Variants in STK3 observed in about 807,000 individuals in gnomAD.
STK3 encodes serine/threonine kinase 3.
Under a neutral mutation model 58.0 loss-of-function variants are expected in STK3, and 41 were observed. The ratio of observed to expected loss-of-function variants is 0.71; its 90% CI spans 0.55 to 0.92. The LOEUF is 0.92. STK3 is among the 40% of genes least tolerant of loss of function. The probability of loss-of-function intolerance (pLI) is 0.00; values close to 1 mark genes in which losing one functional copy is unlikely to be tolerated. For missense variants in STK3, 479 were observed against 602.7 expected, an observed-to-expected ratio of 0.79 and a Z score of 2.15; for synonymous variants, 170 against 191.0, an observed-to-expected ratio of 0.89 and a Z score of 0.91.
chr8:98,845,831 C>G (rs920721743), intron 3 of STK3, among the ~76,000 whole-genome samples: 1 of 152,180 alleles, frequency 6.6e-6, no homozygotes, highest in African/African-American at 2.4e-5. Flanking sequence ...TAGCAGGAGG[C>G]TGGACTTTCA....
chr8:98,549,014 T>C (rs565567720), intron 8 of STK3, among the ~76,000 whole-genome samples: 1 of 152,296 alleles, frequency 6.6e-6, no homozygotes, highest in East Asian at 1.9e-4. Context: ...TATCTGTTGA[T>C]GGCCATTTGG....
At chr8:98,633,825 A>G in intron 6 of STK3, 1 of 457,924 alleles carries the variant, frequency 2.2e-6, no homozygotes, top group South Asian at 2.8e-5. Flanking sequence ...CCCTAACTTC[A>G]AATTTGAAGA....
At chr8:98,727,721 T>G (rs1043435356) in intron 4 of STK3, among the ~76,000 whole-genome samples, 3 of 152,208 alleles carry the variant, frequency 2.0e-5, no homozygotes, top group Non-Finnish European at 4.4e-5. Context: ...AAACATATTT[T>G]TTAAAAGGAA....
chr8:98,410,875 C>A (rs1818045903), intron 3 of STK3, among the ~76,000 whole-genome samples: 1 of 152,062 alleles, frequency 6.6e-6, no homozygotes, highest in Non-Finnish European at 1.5e-5. Flanking sequence ...TAATAATTTA[C>A]CCTCAGATCA....
chr8:98,618,728 A>T, intron 6 of STK3, among the ~76,000 whole-genome samples: 1 of 140,360 alleles, frequency 7.1e-6, no homozygotes, highest in African/African-American at 2.8e-5. Context: ...CTTCAAAGAG[A>T]ATAAAATACC....
chr8:98,390,153 G>T (rs1024753669), upstream of STK3, among the ~76,000 whole-genome samples: 16 of 152,060 alleles, frequency 1.1e-4, no homozygotes, highest in Admixed American at 4.6e-4. Context: ...TTTTCATCTG[G>T]TATAATTTTT....
intron 10 of STK3, among the ~76,000 whole-genome samples, chr8:98,461,249 C>CTT (rs1047958400): frequency 6.1e-5 from 9 of 147,926 alleles, no homozygotes; most frequent in African/African-American, 2.2e-4. Flanking sequence ...CATTCTTTGT[C>CTT]TTTTTTTTTT....
intron 10 of STK3, among the ~76,000 whole-genome samples, chr8:98,487,100 G>A (rs1203876328): frequency 6.6e-6 from 1 of 152,078 alleles, no homozygotes; most frequent in African/African-American, 2.4e-5. Flanking sequence ...AATAGTTACT[G>A]TGCATAAGGC....
intron 6 of STK3, among the ~76,000 whole-genome samples, chr8:98,631,076 G>T (rs779256152): frequency 9.2e-5 from 14 of 152,050 alleles, no homozygotes; most frequent in Non-Finnish European, 1.8e-4. Context: ...CCAGAATCTG[G>T]CCACATCTCA....
chr8:98,908,697 G>T (rs1046680511), intron 1 of STK3, among the ~76,000 whole-genome samples: 7 of 151,836 alleles, frequency 4.6e-5, no homozygotes, highest in Non-Finnish European at 4.4e-5. Flanking sequence ...ACAAAAATTA[G>T]CCAGGCGTGG....
chr8:98,650,557 G>A (rs989561951), intron 6 of STK3, among the ~76,000 whole-genome samples: 20 of 152,358 alleles, frequency 1.3e-4, no homozygotes, highest in East Asian at 3.9e-4. Flanking sequence ...CTCGGGAAGC[G>A]CAAGGGGTCA....
At chr8:98,657,384 G>A (rs1026701010) in intron 6 of STK3, among the ~76,000 whole-genome samples, 41 of 152,054 alleles carry the variant, frequency 2.7e-4, no homozygotes, top group Non-Finnish European at 1.8e-4. Flanking sequence ...GTAGAACCAA[G>A]CTGTCCAGCT....
chr8:98,467,824 A>G (rs1427303737), intron 10 of STK3, among the ~76,000 whole-genome samples: 1 of 152,142 alleles, frequency 6.6e-6, no homozygotes, highest in East Asian at 1.9e-4. Context: ...CTTTGAGGAA[A>G]CATGCATGGA....
At chr8:98,754,102 A>T (rs1746174384) in intron 3 of STK3, among the ~76,000 whole-genome samples, 1 of 152,182 alleles carries the variant, frequency 6.6e-6, no homozygotes. Flanking sequence ...TCCATCTCAT[A>T]CCTTAAATTT....
chr8:98,883,453 C>G, downstream of STK3: 1 of 541,632 alleles, frequency 1.8e-6, no homozygotes, highest in Non-Finnish European at 3.3e-6. Context: ...CTAAATCACT[C>G]TCTTGGGCTA....
At chr8:98,573,222 T>C (rs1813106357) in intron 8 of STK3, among the ~76,000 whole-genome samples, 1 of 152,178 alleles carries the variant, frequency 6.6e-6, no homozygotes. Flanking sequence ...GCAGAAAATT[T>C]AGAAACTGTT....
intron 4 of STK3, among the ~76,000 whole-genome samples, chr8:98,739,235 C>G (rs528620312): frequency 6.0e-4 from 92 of 152,340 alleles, no homozygotes; most frequent in African/African-American, 2.0e-3. Context: ...GCTTTGAAGA[C>G]AGCAGTGGTT....
chr8:98,540,481 A>G (rs574766289), intron 9 of STK3, among the ~76,000 whole-genome samples: 2 of 152,270 alleles, frequency 1.3e-5, no homozygotes, highest in East Asian at 1.9e-4. Context: ...GTTCTATCCT[A>G]TAACATATTT....
At chr8:98,709,970 C>T (rs1168611850) in intron 4 of STK3, among the ~76,000 whole-genome samples, 1 of 151,684 alleles carries the variant, frequency 6.6e-6, no homozygotes, top group Non-Finnish European at 1.5e-5. Flanking sequence ...TACTTTTGCA[C>T]CAGCCTAATA....
Sources: allele counts gnomAD v4.1 joint callset (sites outside exome capture counted in the v4.1 genomes callset), GRCh38; gene constraint gnomAD v4.1.1; transcripts MANE v1.5; gene names NCBI Gene and HGNC (gene_info 2026-07-23, HGNC 2026-07-21).